The following ZNF407 variants were observed in gnomAD, a reference collection of about 807,000 sequenced individuals.
The protein encoded by ZNF407 is zinc finger protein 407.
In ZNF407, 17 loss-of-function variants were observed where a neutral mutation model predicts 131.2. That is an observed-to-expected ratio of 0.13 (90% CI 0.09 to 0.19). The LOEUF (loss-of-function observed/expected upper bound fraction) is 0.19. Among genes scored for constraint, ZNF407 ranks in the 10% least tolerant of loss-of-function variants. ZNF407 has a pLI of 1.00. For synonymous variants in ZNF407, 1,156 were observed against 1,062.0 expected (o/e 1.09, Z -1.72); for missense variants, 2,681 against 2,830.6 (o/e 0.95, Z 1.20).
intron 8 of ZNF407, among the ~76,000 whole-genome samples, chr18:74,979,215 C>T (rs1056928560): frequency 3.3e-5 from 5 of 152,060 alleles, no homozygotes; most frequent in Non-Finnish European, 5.9e-5. Flanking sequence ...CTTCGTGGCC[C>T]TTATACATTG....
chr18:74,826,209 G>A (rs1970407568), intron 4 of ZNF407, among the ~76,000 whole-genome samples: 1 of 152,182 alleles, frequency 6.6e-6, no homozygotes, highest in Non-Finnish European at 1.5e-5. Context: ...AAGTCTGTAT[G>A]CAGGTAAGTC....
chr18:74,984,761 A>G (rs1177941940), intron 8 of ZNF407, among the ~76,000 whole-genome samples: 1 of 152,264 alleles, frequency 6.6e-6, no homozygotes, highest in Non-Finnish European at 1.5e-5. Context: ...AGCAAAGACG[A>G]TCCACTCTGC....
At chr18:74,641,206 G>T in intron 3 of ZNF407, 84 bp downstream of exon 3, 1 of 1,049,868 alleles carries the variant, frequency 9.5e-7, no homozygotes, top group South Asian at 1.3e-5. Context: ...AAACCGATAG[G>T]AGTAAGAGTG....
At chr18:74,828,853 T>G (rs960646262) in intron 4 of ZNF407, among the ~76,000 whole-genome samples, 1 of 152,252 alleles carries the variant, frequency 6.6e-6, no homozygotes, top group Non-Finnish European at 1.5e-5. Flanking sequence ...CATTGTTGCC[T>G]TATTGGATTA....
intron 1 of ZNF407, among the ~76,000 whole-genome samples, chr18:74,600,125 G>C (rs900915574): frequency 6.6e-6 from 1 of 152,238 alleles, no homozygotes; most frequent in African/African-American, 2.4e-5. Context: ...CCTGCCCACA[G>C]AGTGTCACAG....
chr18:74,927,629 G>T (rs1011616611), intron 8 of ZNF407, among the ~76,000 whole-genome samples: 2 of 152,148 alleles, frequency 1.3e-5, no homozygotes, highest in Non-Finnish European at 2.9e-5. Context: ...ACATTGTTTA[G>T]CTTTTCTTTT....
At position 75,063,044 on chromosome 18, in the gene ZNF407, G is replaced by C; in HGVS notation, c.5429-106G>C. ...AGCTCTTCAGGGTTTGGAATAGGGG[G>C]TCGTGGTGACTCTGCTGAGGCCTGA... On this transcript the variant is annotated intron_variant, in intron 8 of 8. Coordinates refer to ENST00000299687, the MANE Select transcript of ZNF407 (RefSeq NM_017757.3). This position sits in a 1 kb window ranked among gnomAD's most constrained non-coding sequence, Gnocchi z 6.6. 9.6e-7 allele frequency: 1 copy of C among 1,043,446 alleles called. No individual in the cohort carries two copies. Among genetic ancestry groups the C allele is most frequent in the Non-Finnish European group, 1.4e-6 (1 of 712,602 alleles). The allele number at this position is 1,043,446 out of a possible 1,614,324, so 64.6% of individuals were successfully genotyped here. A position where few individuals can be genotyped will look rare whatever the true frequency, so the allele number is the denominator to read the frequency against.
At position 74,656,088 on chromosome 18, in the gene ZNF407, A is replaced by T. The variant is rs919770704; in HGVS notation, c.4802+14966A>T. On this transcript the variant is annotated intron_variant, in intron 3 of 8. Coordinates refer to ENST00000299687, the MANE Select transcript of ZNF407 (RefSeq NM_017757.3). The stretch of plus-strand genomic sequence containing the variant: ...GTATTTTTTATTGCTGCTTCTGTAT[A>T]CATTTATCATTATAATAGAGGCAGA... Among the ~76,000 whole-genome samples the T allele has an allele frequency of 3.8e-4, 58 of 152,150 alleles. 3 individuals carry two copies. Among genetic ancestry groups the T allele is most frequent in the Non-Finnish European group, 8.8e-5 (6 of 68,022 alleles).
chr18:74,755,751 T>TTCTTTCTTTC (rs1968931943), intron 3 of ZNF407, among the ~76,000 whole-genome samples: 1 of 120,820 alleles, frequency 8.3e-6, no homozygotes, highest in African/African-American at 4.0e-5. Flanking sequence ...CTTTCTTTCT[T>TTCTTTCTTTC]TCTTTCTTTC....
chr18:74,845,588 G>A (rs1970691570), intron 4 of ZNF407, among the ~76,000 whole-genome samples: 2 of 152,098 alleles, frequency 1.3e-5, no homozygotes, highest in South Asian at 4.1e-4. Context: ...TAATTTGATT[G>A]TATTTGTAAG....
intron 8 of ZNF407, among the ~76,000 whole-genome samples, chr18:75,032,232 G>T (rs1056054283): frequency 1.3e-5 from 2 of 152,190 alleles, no homozygotes; most frequent in African/African-American, 2.4e-5. Flanking sequence ...ATGAGACTGC[G>T]ATCTGGGGGC....
At chr18:74,630,675 T>C (rs998840519) in intron 1 of ZNF407, among the ~76,000 whole-genome samples, 6 of 152,140 alleles carry the variant, frequency 3.9e-5, no homozygotes, top group Non-Finnish European at 8.8e-5. Flanking sequence ...AATTGAAGTA[T>C]GCTGGTACAG....
intron 8 of ZNF407, among the ~76,000 whole-genome samples, chr18:75,056,331 T>C (rs1017586804): frequency 6.6e-6 from 1 of 152,246 alleles, no homozygotes; most frequent in African/African-American, 2.4e-5. Flanking sequence ...TTCTAACCAT[T>C]GAAAATAATG....
At chr18:74,700,983 T>A (rs965580178) in intron 3 of ZNF407, among the ~76,000 whole-genome samples, 12 of 152,148 alleles carry the variant, frequency 7.9e-5, no homozygotes, top group African/African-American at 2.9e-4. Flanking sequence ...AGATAGGGCC[T>A]ATAGGGGGTA....
intron 4 of ZNF407, among the ~76,000 whole-genome samples, chr18:74,853,223 A>T (rs951112062): frequency 6.6e-6 from 1 of 152,230 alleles, no homozygotes; most frequent in African/African-American, 2.4e-5. Flanking sequence ...TTGTCTTTGT[A>T]TCATTTCATA....
intron 4 of ZNF407, among the ~76,000 whole-genome samples, chr18:74,857,247 A>G (rs1219171033): frequency 6.6e-6 from 1 of 152,186 alleles, no homozygotes. Context: ...GATGGCTAAC[A>G]CAGCACTGAT....
rs971358447 is a variant in ZNF407, at chr18:74,620,729, T to A, written c.-53-10238T>A. Among the ~76,000 whole-genome samples the A allele has an allele frequency of 1.2e-3, 185 of 152,292 alleles. 1 individual carries two copies. The highest frequency in any genetic ancestry group is 2.0e-3 in the Non-Finnish European group (137 of 68,020). ...ATGCAGGAAACTTTGGAGGTGGGAC[T>A]TGCTCAGGTCCACATCCGATGACCA... On this transcript the variant is annotated intron_variant, in intron 1 of 8. Transcript: ENST00000299687.
chr18:74,705,728 A>G (rs979612122), intron 3 of ZNF407, among the ~76,000 whole-genome samples: 1 of 152,230 alleles, frequency 6.6e-6, no homozygotes, highest in Admixed American at 6.5e-5. Context: ...TGTCTTGTAA[A>G]TAGAAAACAA....
At chr18:75,044,756 TTGAC>T (rs1368480280) in intron 8 of ZNF407, among the ~76,000 whole-genome samples, 2 of 152,192 alleles carry the variant, frequency 1.3e-5, no homozygotes, top group African/African-American at 4.8e-5. Flanking sequence ...AATATGATGT[TTGAC>T]TGGTTTATTA....
Sources: gnomAD v4.1 joint callset for allele counts (sites outside exome capture counted in the v4.1 genomes callset) on GRCh38, gnomAD v4.1.1 for gene constraint, Gnocchi (gnomAD v3.1) non-coding constraint, MANE v1.5 for transcripts, NCBI Gene and HGNC (gene_info 2026-07-23, HGNC 2026-07-21) for gene names.